STIL: variants seen among roughly 807,000 people sequenced by gnomAD.
STIL encodes SCL-interrupting locus protein.
STIL carries 55 observed loss-of-function variants against 110.1 expected under a neutral mutation model. The ratio of observed to expected loss-of-function variants is 0.50; its 90% CI spans 0.40 to 0.63. The LOEUF (loss-of-function observed/expected upper bound fraction) is 0.63. Among genes scored for constraint, STIL ranks in the 20% least tolerant of loss-of-function variants. STIL has a pLI of 0.00. For missense variants in STIL, 1,358 were observed against 1,530.0 expected (o/e 0.89, Z 1.87); for synonymous variants, 481 against 530.0 (o/e 0.91, Z 1.27).
chr1:47,260,669 T>A, intron 15 of STIL, 130 bp from the exon 16 acceptor site: 2 of 964,170 alleles, frequency 2.1e-6, no homozygotes, highest in Non-Finnish European at 1.6e-6. Context: ...GCCCAGGAGT[T>A]TAAGACCCTG....
At chr1:47,297,979 A>G (rs1485901327) in intron 6 of STIL, among the ~76,000 whole-genome samples, 1 of 152,170 alleles carries the variant, frequency 6.6e-6, no homozygotes, top group Non-Finnish European at 1.5e-5. Context: ...CCCATGCTCC[A>G]CTTGAGAAGT....
At chr1:47,302,196 C>T (rs901180649) in intron 4 of STIL, 38 bp downstream of exon 4, 18 of 1,469,734 alleles carry the variant, frequency 1.2e-5, no homozygotes, top group Non-Finnish European at 1.6e-5. Context: ...GCTGGGATTA[C>T]AGGCGTGAGC....
intron 7 of STIL, among the ~76,000 whole-genome samples, chr1:47,294,895 A>G (rs1482077878): frequency 1.3e-5 from 2 of 152,066 alleles, no homozygotes; most frequent in Admixed American, 1.3e-4. Context: ...CTAAGCCTTC[A>G]CCTTCAACCA....
At chr1:47,304,176 T>C (rs564200290) in intron 3 of STIL, among the ~76,000 whole-genome samples, 27 of 151,770 alleles carry the variant, frequency 1.8e-4, no homozygotes, top group Non-Finnish European at 3.4e-4. Context: ...TTGTTTTTTT[T>C]TTTACTTTTT....
intron 12 of STIL, among the ~76,000 whole-genome samples, chr1:47,274,433 C>T (rs1247028291): frequency 1.3e-5 from 2 of 148,804 alleles, no homozygotes; most frequent in African/African-American, 5.0e-5. Context: ...CGGGTCCACG[C>T]CATTCTCCTG....
intron 8 of STIL, among the ~76,000 whole-genome samples, chr1:47,290,926 T>C (rs1297209670): frequency 1.3e-5 from 2 of 152,188 alleles, no homozygotes; most frequent in African/African-American, 4.8e-5. Context: ...CAGTGGCCTC[T>C]TTGCTGCTCC....
chr1:47,298,900 T>C (rs1023141778), intron 6 of STIL, among the ~76,000 whole-genome samples: 4 of 152,046 alleles, frequency 2.6e-5, no homozygotes, highest in Non-Finnish European at 5.9e-5. Context: ...CGTGCCACCA[T>C]GCCCAGCTTT....
intron 5 of STIL, among the ~76,000 whole-genome samples, chr1:47,300,543 A>T (rs143051792): frequency 0.01 from 1,574 of 151,808 alleles, 36 homozygotes; most frequent in African/African-American, 0.037. Context: ...ATCTCAGCTC[A>T]CCACAAACTC....
At chr1:47,279,836 C>T (rs186147209) in intron 12 of STIL, among the ~76,000 whole-genome samples, 2 of 151,666 alleles carry the variant, frequency 1.3e-5, no homozygotes, top group East Asian at 3.9e-4. Flanking sequence ...TATAGATATG[C>T]AGAAAGGCTC....
rs999101309 is a variant in STIL, at chr1:47,304,983, T to C, written c.58A>G (p.Arg20Gly). Residue 20 changes from arginine to glycine, a missense_variant, in exon 3 of 17, where the codon AGG (arginine) becomes GGG (glycine). By Grantham distance (125) the Arg-to-Gly change is moderately radical. Coordinates refer to ENST00000371877, the MANE Select transcript of STIL (RefSeq NM_001048166.1). ...GGAGGAAAGTGGAAAGGTACCATCCTGCTTGAAGGAAACCTTTTGAAAAAA... is the reference window on the plus strand; with the variant it reads ...GGAGGAAAGTGGAAAGGTACCATCCCGCTTGAAGGAAACCTTTTGAAAAAA... ...PQMNTRFPSS[R>G]MVPFHFPPSK... 1.7e-5 allele frequency: 28 copies of C among 1,613,694 alleles called. No individual in the cohort carries two copies. The highest frequency in any genetic ancestry group is 2.3e-5 in the Non-Finnish European group (27 of 1,179,778).
intron 3 of STIL, among the ~76,000 whole-genome samples, chr1:47,303,165 T>G (rs990912040): frequency 6.6e-6 from 1 of 152,238 alleles, no homozygotes; most frequent in Non-Finnish European, 1.5e-5. Context: ...ATAAGTTATA[T>G]AATTAACTGG....
intron 6 of STIL, among the ~76,000 whole-genome samples, chr1:47,298,027 T>C (rs138096542): frequency 1.8e-3 from 270 of 152,344 alleles, no homozygotes; most frequent in African/African-American, 6.1e-3. Flanking sequence ...TTCATTTAAT[T>C]CAAACAATTT....
chr1:47,299,434 C>G (rs1645738068), intron 6 of STIL, among the ~76,000 whole-genome samples: 1 of 150,650 alleles, frequency 6.6e-6, no homozygotes, highest in Admixed American at 6.6e-5. Flanking sequence ...TCTCTGTTGC[C>G]CAGGCTAGAG....
intron 1 of STIL, among the ~76,000 whole-genome samples, chr1:47,313,797 A>G (rs1036904562): frequency 1.3e-5 from 2 of 152,218 alleles, no homozygotes; most frequent in Admixed American, 1.3e-4. Flanking sequence ...TTCCCACCGT[A>G]AAAACAACTT....
intron 16 of STIL, among the ~76,000 whole-genome samples, chr1:47,256,415 GT>G (rs1455386813): frequency 6.6e-6 from 1 of 151,902 alleles, no homozygotes; most frequent in Non-Finnish European, 1.5e-5. Context: ...AAGGTCAGGA[GT>G]TTGAGACTAG....
At chr1:47,309,065 AAAT>A (rs1007886165) in intron 2 of STIL, among the ~76,000 whole-genome samples, 10 of 151,232 alleles carry the variant, frequency 6.6e-5, no homozygotes, top group African/African-American at 2.4e-4. Context: ...AAAAAAAAAA[AAAT>A]AATAATAATT....
intron 12 of STIL, among the ~76,000 whole-genome samples, chr1:47,278,645 A>T (rs2148948181): frequency 6.6e-6 from 1 of 152,166 alleles, no homozygotes; most frequent in East Asian, 1.9e-4. Flanking sequence ...ATTTTTGCTA[A>T]GTGTTTATAA....
intron 12 of STIL, among the ~76,000 whole-genome samples, chr1:47,279,678 A>G (rs1645095032): frequency 6.7e-6 from 1 of 150,044 alleles, no homozygotes; most frequent in Non-Finnish European, 1.5e-5. Flanking sequence ...GCAGTGAGCC[A>G]AGATCATGCC....
At chr1:47,312,403 A>C (rs183511735) in intron 1 of STIL, among the ~76,000 whole-genome samples, 9 of 152,078 alleles carry the variant, frequency 5.9e-5, no homozygotes, top group East Asian at 3.9e-4. Flanking sequence ...CAGCGAGTGG[A>C]GATTTCGTCA....
Sources: allele counts gnomAD v4.1 joint callset (sites outside exome capture counted in the v4.1 genomes callset), GRCh38; gene constraint gnomAD v4.1.1; transcripts MANE v1.5; gene names NCBI Gene and HGNC (gene_info 2026-07-23, HGNC 2026-07-21).